Variants in MICAL3 observed in about 807,000 individuals in gnomAD.
MICAL3 encodes the protein [F-actin]-monooxygenase MICAL3.
MICAL3 carries 62 observed loss-of-function variants against 207.4 expected under a neutral mutation model. The ratio of observed to expected loss-of-function variants is 0.30; its 90% confidence interval spans 0.24 to 0.37. The LOEUF is 0.37. Among genes scored for constraint, MICAL3 ranks in the 10% least tolerant of loss-of-function variants. The pLI, the probability that MICAL3 is intolerant of heterozygous loss-of-function variation, is 1.00. For synonymous variants in MICAL3, 1,077 were observed against 1,069.3 expected (o/e 1.01, Z -0.14); for missense variants, 2,368 against 2,635.6 (o/e 0.90, Z 2.22).
chr22:17,990,055 C>A (rs1200509002), intron 1 of MICAL3, among the ~76,000 whole-genome samples: 3 of 152,074 alleles, frequency 2.0e-5, no homozygotes, highest in Non-Finnish European at 2.9e-5. Context: ...GAAAAAGGGA[C>A]CAACGGATAC....
intron 10 of MICAL3, among the ~76,000 whole-genome samples, chr22:17,894,714 T>G (rs1930676185): frequency 6.6e-6 from 1 of 150,668 alleles, no homozygotes; most frequent in Non-Finnish European, 1.5e-5. Context: ...GGAGAATCAC[T>G]TGAACCCAGG....
At chr22:17,875,452 G>T in intron 16 of MICAL3, 1 of 1,558,216 alleles carries the variant, frequency 6.4e-7, no homozygotes, top group South Asian at 1.2e-5. Flanking sequence ...GCTACCTGTC[G>T]GAGGGAGTCG....
At chr22:17,869,144 G>A (rs1927465240) in intron 17 of MICAL3, among the ~76,000 whole-genome samples, 1 of 152,312 alleles carries the variant, frequency 6.6e-6, no homozygotes, top group South Asian at 2.1e-4. Flanking sequence ...GGAGCAAAGA[G>A]TGCAGCATGC....
At chr22:18,019,421 G>C (rs575023042) in intron 1 of MICAL3, 2 of 153,252 alleles carry the variant, frequency 1.3e-5, no homozygotes, top group Non-Finnish European at 1.5e-5. Context: ...CAGATCGAGC[G>C]CAGTGTCTCA....
intron 1 of MICAL3, among the ~76,000 whole-genome samples, chr22:17,924,002 A>G (rs972928637): frequency 2.0e-5 from 3 of 152,200 alleles, no homozygotes; most frequent in African/African-American, 7.2e-5. Context: ...GGCAGCAACA[A>G]GGAGAAGTGC....
At chr22:17,915,103 T>TG (rs2146285613) in intron 1 of MICAL3, among the ~76,000 whole-genome samples, 1 of 133,538 alleles carries the variant, frequency 7.5e-6, no homozygotes, top group South Asian at 2.9e-4. Flanking sequence ...CAAAGGAGAA[T>TG]CCCAAAAAAA....
At chr22:17,917,576 T>A (rs1932611028) in intron 1 of MICAL3, among the ~76,000 whole-genome samples, 1 of 151,986 alleles carries the variant, frequency 6.6e-6, no homozygotes, top group Non-Finnish European at 1.5e-5. Flanking sequence ...TCCAGAATAT[T>A]CCACAAAGCA....
Position 17,896,975 on chromosome 22 carries a change from C to A in MICAL3, c.955G>T (p.Ala319Ser). The change falls in exon 8 of 32, where the codon GCC (alanine) becomes TCC (serine). Residue 319 changes from alanine (A) to serine (S), a missense_variant. Coordinates refer to ENST00000441493, the MANE Select transcript of MICAL3 (RefSeq NM_015241.3). Reference protein sequence around the residue: ...LDKGVILHDYADTELLLSREN... With the variant: ...LDKGVILHDYSDTELLLSREN... ...CGGGAAAGCAGGAGCTCTGTGTCGG[C>A]GTAGTCCTGTCTCCAGAGAAAGAGG... 6.2e-7 allele frequency: 1 copy of A among 1,611,390 alleles called. No individual in the cohort carries two copies. The highest frequency in any genetic ancestry group is 8.5e-7 in the Non-Finnish European group (1 of 1,178,614).
chr22:17,910,657 A>T (rs961017783), intron 1 of MICAL3, among the ~76,000 whole-genome samples: 4 of 152,190 alleles, frequency 2.6e-5, no homozygotes, highest in Non-Finnish European at 5.9e-5. Context: ...CCTGCTTTGC[A>T]GCTGAATGAT....
chr22:17,938,580 C>T (rs1049952667), intron 1 of MICAL3, among the ~76,000 whole-genome samples: 2 of 152,158 alleles, frequency 1.3e-5, no homozygotes, highest in African/African-American at 4.8e-5. Flanking sequence ...CTGTGCTGCA[C>T]TTTGATACCA....
In MICAL3 at chr22:17,816,732, G is replaced by A. The variant is rs755081972; in HGVS notation, c.5403C>T (p.Ser1801=). The A allele has an allele frequency of 1.1e-5, 17 of 1,552,556 alleles. No homozygotes were observed. Among genetic ancestry groups the A allele is most frequent in the African/African-American group, 5.5e-5 (4 of 73,110 alleles). The change falls in exon 27 of 32, where the codon AGC becomes AGT. Residue 1801 remains serine (S), a synonymous_variant. Coordinates refer to ENST00000441493, the MANE Select transcript of MICAL3 (RefSeq NM_015241.3). The part of the protein sequence containing the change: ...LSFSEDSDLS[S]DDVLEKSSQK... ...GTGAGGACTTCTCAAGGACATCGTC[G>A]CTGGAGAGGTCTGAGTCCTCGGAGA...
intron 19 of MICAL3, among the ~76,000 whole-genome samples, chr22:17,849,686 G>GTGTGTT (rs1925069377): frequency 1.8e-5 from 1 of 56,192 alleles, no homozygotes; most frequent in African/African-American, 6.5e-5. Context: ...GTGTGTGTGT[G>GTGTGTT]TATTTTTTTT....
chr22:17,818,249 G>A lies in MICAL3; in HGVS notation c.4412C>T (p.Thr1471Ile), dbSNP rs764086795. 2.0e-6 allele frequency: 3 copies of A among 1,528,704 alleles called. No individual in the cohort carries two copies. Among genetic ancestry groups the A allele is most frequent in the South Asian group, 1.2e-5 (1 of 83,716 alleles). 94.7% of individuals were successfully genotyped at this position (1,528,704 alleles called of 1,614,324 possible). Residue 1471 changes from threonine (T) to isoleucine (I), a missense_variant, in exon 26 of 32, where the codon ACC (threonine) becomes ATC (isoleucine). Coordinates refer to ENST00000441493, the MANE Select transcript of MICAL3 (RefSeq NM_015241.3). The stretch of plus-strand genomic sequence containing the variant: ...GGCCTCCCTGAGCTTCCTCCGCAAG[G>A]TGGCGGGCTCCTCGCCCGGGGGTGG... ...PPPPPGEEPATLRRKLREAEP... is the reference protein window; with the variant it reads ...PPPPPGEEPAILRRKLREAEP...
At chr22:17,982,721 TAACATAACATA>T (rs1935976012) in intron 1 of MICAL3, among the ~76,000 whole-genome samples, 1 of 125,484 alleles carries the variant, frequency 8.0e-6, no homozygotes, top group Non-Finnish European at 1.7e-5. Context: ...ATAACAAACA[TAACATAACATA>T]AAAATAAAAT....
intron 20 of MICAL3, 146 bp from the exon 21 acceptor site, chr22:17,832,253 C>T (rs1482980293): frequency 1.8e-6 from 2 of 1,100,758 alleles, no homozygotes; most frequent in African/African-American, 1.6e-5. Context: ...GAGAGAGCGG[C>T]ATCAGCAGGA....
intron 29 of MICAL3, among the ~76,000 whole-genome samples, chr22:17,795,362 T>A (rs426276): frequency 0.22 from 32,785 of 152,204 alleles, 3,579 homozygotes; most frequent in Middle Eastern, 0.33. Flanking sequence ...TGCCACCTCC[T>A]GGGACTGGTG....
chr22:17,895,357 T>C lies in MICAL3; in HGVS notation c.1376A>G (p.Asn459Ser). Residue 459 changes from asparagine to serine, a missense_variant, in exon 10 of 32, where the codon AAC (asparagine) becomes AGC (serine). Transcript: ENST00000441493. ...AGGGTCGATACTGTACTGGCTGAAG[T>C]TCTTACTCACATTCTCAGGGGTGGT... ...PQTTPENVSK[N>S]FSQYSIDPVT... The C allele has an allele frequency of 1.9e-6, 3 of 1,613,800 alleles. No homozygotes were observed. Among genetic ancestry groups the C allele is most frequent in the Non-Finnish European group, 2.5e-6 (3 of 1,179,822 alleles).
chr22:17,969,274 C>T (rs1458812504), intron 1 of MICAL3, among the ~76,000 whole-genome samples: 1 of 152,164 alleles, frequency 6.6e-6, no homozygotes, highest in African/African-American at 2.4e-5. Context: ...CTCCTGACCT[C>T]GTGATCCACC....
At chr22:17,851,494 C>T (rs1054021507) in intron 19 of MICAL3, among the ~76,000 whole-genome samples, 3 of 152,210 alleles carry the variant, frequency 2.0e-5, no homozygotes, top group Non-Finnish European at 4.4e-5. Flanking sequence ...ATCAGTGCAT[C>T]AGGGTAGGCA....
Sources: allele counts gnomAD v4.1 joint callset (sites outside exome capture counted in the v4.1 genomes callset), GRCh38; gene constraint gnomAD v4.1.1; transcripts MANE v1.5; gene names NCBI Gene and HGNC (gene_info 2026-07-23, HGNC 2026-07-21).